Variants in AKR1B15 observed in about 807,000 individuals in gnomAD.
AKR1B15 encodes the protein estradiol 17-beta-dehydrogenase AKR1B15.
A neutral mutation model predicts 38.5 loss-of-function variants in AKR1B15; 49 were observed. The ratio of observed to expected loss-of-function variants is 1.27; its 90% CI spans 1.01 to 1.62. The LOEUF (loss-of-function observed/expected upper bound fraction) is 1.62. Among genes scored for constraint, AKR1B15 ranks in the 40% most tolerant of loss-of-function variants. The pLI, the probability that AKR1B15 is intolerant of heterozygous loss-of-function variation, is 0.00. For missense variants in AKR1B15, 411 were observed against 381.6 expected, an observed-to-expected ratio of 1.08 and a Z score of -0.64; for synonymous variants, 137 against 135.5, an observed-to-expected ratio of 1.01 and a Z score of -0.08.
intron 4 of AKR1B15, among the ~76,000 whole-genome samples, chr7:134,569,048 G>A (rs1794607674): frequency 6.6e-6 from 1 of 152,138 alleles, no homozygotes; most frequent in Non-Finnish European, 1.5e-5. Flanking sequence ...TATTCCCAAA[G>A]GCCTAAGAAT....
chr7:134,556,837 GACTAATATC>G lies in AKR1B15; in HGVS notation c.-40_-32del, dbSNP rs1409077634. The G allele has an allele frequency of 6.6e-6, 1 of 152,128 alleles. No individual in the cohort carries two copies. Among genetic ancestry groups the G allele is most frequent in the African/African-American group, 2.4e-5 (1 of 41,410 alleles). 9.4% of individuals were successfully genotyped at this position (152,128 alleles called of 1,614,324 possible). A position where few individuals can be genotyped will look rare whatever the true frequency, so the allele number is the denominator to read the frequency against. ...ACTGCCCTGATTCAAGGAGAAACTG[GACTAATATC>G]ACTATCTCAACAGGTAGATGCTGAT... On this transcript the variant is annotated 5_prime_UTR_variant, in exon 2 of 12. Transcript: ENST00000457545.
chr7:134,571,076 A>G lies in AKR1B15; in HGVS notation c.436-528A>G, dbSNP rs1019384520. Among the ~76,000 whole-genome samples, 88 of 152,312 alleles carry G rather than the reference A, an allele frequency of 5.8e-4. 1 individual carries two copies. The highest frequency in any genetic ancestry group is 9.1e-4 in the Non-Finnish European group (62 of 68,022). On this transcript the variant is annotated intron_variant, in intron 5 of 11. Transcript: ENST00000457545. ...CTGGAAGGAAGCCAGTAGTGATCCC[A>G]GCACCCATTGCCTGGGGCTCTGCTC...
Position 134,579,845 on chromosome 7 carries a change from A to C in AKR1B15, c.*296A>C, listed in dbSNP as rs1472977916. 3.4e-6 allele frequency: 1 copy of C among 296,454 alleles called. No individual in the cohort carries two copies. The highest frequency in any genetic ancestry group is 6.1e-6 in the Non-Finnish European group (1 of 162,784). The allele number at this position is 296,454 out of a possible 1,614,324, so 18.4% of individuals were successfully genotyped here. A position where few individuals can be genotyped will look rare whatever the true frequency, so the allele number is the denominator to read the frequency against. The stretch of plus-strand genomic sequence containing the variant: ...CTGCCAACACTGAGGATGTAAAGAT[A>C]AATAATAAAAAATAATGACTTTAAC... On this transcript the variant is annotated 3_prime_UTR_variant, in exon 12 of 12. Coordinates refer to ENST00000457545, the MANE Select transcript of AKR1B15 (RefSeq NM_001080538.3).
chr7:134,572,501 G>A (rs1794687697), intron 6 of AKR1B15, among the ~76,000 whole-genome samples: 1 of 152,072 alleles, frequency 6.6e-6, no homozygotes, highest in Non-Finnish European at 1.5e-5. Flanking sequence ...GGTGGTGTGT[G>A]CCTGGAATGT....
chr7:134,565,433 G>A (rs776188184), intron 3 of AKR1B15: 1 of 1,611,666 alleles, frequency 6.2e-7, no homozygotes, highest in South Asian at 1.1e-5. Context: ...GGACACAGCA[G>A]GACGTGAGAC....
intron 1 of AKR1B15, among the ~76,000 whole-genome samples, chr7:134,555,576 C>T (rs2117612874): frequency 6.6e-6 from 1 of 152,162 alleles, no homozygotes; most frequent in East Asian, 1.9e-4. Flanking sequence ...ACTCTTTTCT[C>T]CTCACTTCCT....
intron 2 of AKR1B15, among the ~76,000 whole-genome samples, chr7:134,561,127 TATC>T (rs1458727256): frequency 3.3e-5 from 5 of 152,342 alleles, no homozygotes; most frequent in African/African-American, 9.6e-5. Flanking sequence ...TAGCACTGCA[TATC>T]ATCCAGTATA....
In AKR1B15 at chr7:134,573,931, G is replaced by T. The variant is rs72503003; in HGVS notation, c.514-1489G>T. Reference sequence around the variant, plus strand: ...TCTTTTTTAATTTAGAGAGAGTCTTGCTCTGTTGCCCAGAGTAGAGTACAA... The same window carrying T: ...TCTTTTTTAATTTAGAGAGAGTCTTTCTCTGTTGCCCAGAGTAGAGTACAA... On this transcript the variant is annotated intron_variant, in intron 6 of 11. Coordinates refer to ENST00000457545, the MANE Select transcript of AKR1B15 (RefSeq NM_001080538.3). Among the ~76,000 whole-genome samples the T allele has an allele frequency of 6.6e-4, 100 of 152,252 alleles. No homozygotes were observed. The East Asian group carries it at 0.016, about 25-fold the overall frequency.
rs748113778 is a variant in AKR1B15 at position 134,574,366 on chromosome 7, T to TTTTG, written c.514-1034_514-1031dup. ...TCCCCTCTTTTCTCTCTCTCGGGGT[T>TTTTG]TTTGTTTGTTTGTTTGTTTGTTTTT... On this transcript the variant is annotated intron_variant, in intron 6 of 11. Coordinates refer to ENST00000457545, the MANE Select transcript of AKR1B15 (RefSeq NM_001080538.3). 1.8e-3 allele frequency among the ~76,000 whole-genome samples: 273 copies of TTTTG among 152,138 alleles called. 3 individuals are homozygous for TTTTG. Among genetic ancestry groups the TTTTG allele is most frequent in the Middle Eastern group, 0.01 (3 of 294 alleles).
intron 2 of AKR1B15, among the ~76,000 whole-genome samples, chr7:134,563,403 A>T (rs1182314841): frequency 6.6e-6 from 1 of 152,114 alleles, no homozygotes; most frequent in Non-Finnish European, 1.5e-5. Flanking sequence ...CAAAAGTTAG[A>T]TGGGAGTGAT....
intron 11 of AKR1B15, among the ~76,000 whole-genome samples, chr7:134,579,168 T>C (rs1282126050): frequency 3.9e-5 from 6 of 152,152 alleles, no homozygotes; most frequent in African/African-American, 1.4e-4. Flanking sequence ...CTCATAACAA[T>C]CCCCAAGCTG....
Position 134,556,792 on chromosome 7 carries a change from C to T in AKR1B15, c.-90C>T, listed in dbSNP as rs1562942574. On this transcript the variant is annotated 5_prime_UTR_variant, in exon 2 of 12. The change creates a new upstream start codon in the 5' untranslated region. Coordinates refer to ENST00000457545, the MANE Select transcript of AKR1B15 (RefSeq NM_001080538.3). ...CTTCTAGCTGGCCTTAGCATAGCTA[C>T]GTCAGCAGCTATTGGCACGACTGCC... 2 of 152,202 alleles carry T rather than the reference C, an allele frequency of 1.3e-5. No homozygotes were observed. Among genetic ancestry groups the T allele is most frequent in the Non-Finnish European group, 2.9e-5 (2 of 68,036 alleles). The allele number at this position is 152,202 out of a possible 1,614,324, so 9.4% of individuals were successfully genotyped here.
chr7:134,550,261 C>A (rs1239922388), intron 1 of AKR1B15, among the ~76,000 whole-genome samples: 2 of 152,170 alleles, frequency 1.3e-5, no homozygotes, highest in East Asian at 3.9e-4. Context: ...ACTCTCCAAC[C>A]TTTAGGGAAA....
chr7:134,549,919 T>C (rs955088216), intron 1 of AKR1B15, among the ~76,000 whole-genome samples: 10 of 152,170 alleles, frequency 6.6e-5, no homozygotes, highest in African/African-American at 2.4e-4. Flanking sequence ...TCCTCATTAG[T>C]CGGTTGGGCT....
chr7:134,570,847 T>C lies in AKR1B15; in HGVS notation c.436-757T>C, dbSNP rs573808106. ...ACATGCCTGGGTTATCTTGCAGTTA[T>C]GTCTGAGAGAAGACATGATTTCTGG... On this transcript the variant is annotated intron_variant, in intron 5 of 11. Transcript: ENST00000457545. 3.3e-5 allele frequency among the ~76,000 whole-genome samples: 5 copies of C among 152,334 alleles called. No individual in the cohort carries two copies. In the East Asian group the frequency reaches 7.7e-4, roughly 23 times the overall value.
At chr7:134,552,288 C>A (rs976424265) in intron 1 of AKR1B15, among the ~76,000 whole-genome samples, 14 of 152,096 alleles carry the variant, frequency 9.2e-5, no homozygotes. Flanking sequence ...TGCTAACCAC[C>A]CTTCGGTCAG....
chr7:134,555,573 TCTC>T (rs1267856563), intron 1 of AKR1B15, among the ~76,000 whole-genome samples: 5 of 152,058 alleles, frequency 3.3e-5, no homozygotes, highest in African/African-American at 7.2e-5. Flanking sequence ...CCTACTCTTT[TCTC>T]CTCACTTCCT....
intron 6 of AKR1B15, among the ~76,000 whole-genome samples, chr7:134,574,095 A>T (rs1213348851): frequency 6.6e-6 from 1 of 151,984 alleles, no homozygotes; most frequent in African/African-American, 2.4e-5. Flanking sequence ...GAGTCTTGCT[A>T]TGTTGCCCAG....
At position 134,564,619 on chromosome 7, in the gene AKR1B15, G is replaced by C; in HGVS notation, c.-1G>C. ...CTAGGATCGAGGCCATCAAGCTACA[G>C]ATGGTCTTACAAATGGAACCCCAAG... On this transcript the variant is annotated 5_prime_UTR_variant, in exon 3 of 12. Transcript: ENST00000457545. The C allele has an allele frequency of 1.4e-6, 1 of 697,130 alleles. No homozygotes were observed. The highest frequency in any genetic ancestry group is 2.6e-6 in the Non-Finnish European group (1 of 383,116). The allele number at this position is 697,130 out of a possible 1,614,324, so 43.2% of individuals were successfully genotyped here.
Sources: allele counts gnomAD v4.1 joint callset (sites outside exome capture counted in the v4.1 genomes callset), GRCh38; gene constraint gnomAD v4.1.1; transcripts MANE v1.5; gene names NCBI Gene and HGNC (gene_info 2026-07-23, HGNC 2026-07-21).